Variants in MTHFD2L observed in about 807,000 individuals in gnomAD.
MTHFD2L encodes the protein methylenetetrahydrofolate dehydrogenase (NADP+ dependent) 2 like.
A neutral mutation model predicts 34.9 loss-of-function variants in MTHFD2L; 29 were observed. That is an observed-to-expected ratio of 0.83 (90% confidence interval 0.62 to 1.13). The LOEUF (loss-of-function observed/expected upper bound fraction) is 1.13, where lower values mean the gene tolerates loss of function less well. MTHFD2L is among the 50% of genes most tolerant of loss of function. MTHFD2L has a pLI of 0.00. For missense variants in MTHFD2L, 481 were observed against 446.5 expected, an observed-to-expected ratio of 1.08 and a Z score of -0.70; for synonymous variants, 167 against 155.7, an observed-to-expected ratio of 1.07 and a Z score of -0.54.
intron 2 of MTHFD2L, among the ~76,000 whole-genome samples, chr4:74,115,196 T>C (rs1269377578): frequency 6.6e-6 from 1 of 152,228 alleles, no homozygotes; most frequent in African/African-American, 2.4e-5. Flanking sequence ...ACTATTCTGT[T>C]ACTCTAATTA....
intron 3 of MTHFD2L, among the ~76,000 whole-genome samples, chr4:74,198,634 T>C (rs536373918): frequency 5.9e-5 from 9 of 152,118 alleles, no homozygotes; most frequent in Non-Finnish European, 1.3e-4. Context: ...TTTACCCTCA[T>C]GTAATAAGTT....
chr4:74,218,614 GCC>G (rs58972298), intron 5 of MTHFD2L, among the ~76,000 whole-genome samples: 2,550 of 145,778 alleles, frequency 0.017, 75 homozygotes, highest in African/African-American at 0.06. Flanking sequence ...GTAATTTCAA[GCC>G]CCCCCCCCAC....
In MTHFD2L at chr4:74,301,726, C is replaced by T. The variant is rs1349612642; in HGVS notation, c.961C>T (p.Pro321Ser). Reference sequence around the variant, plus strand: ...TAAAAAGAAAGCTGGCTTTATCACTCCAGTTCCAGGAGGTGTGGGACCCAT... The same window carrying T: ...TAAAAAGAAAGCTGGCTTTATCACTTCAGTTCCAGGAGGTGTGGGACCCAT... ...AVKKKAGFITPVPGGVGPMTV... is the reference protein window; with the variant it reads ...AVKKKAGFITSVPGGVGPMTV... Residue 321 changes from proline to serine, a missense_variant, in exon 8 of 8, where the codon CCA (proline) becomes TCA (serine). Coordinates refer to ENST00000325278, the MANE Select transcript of MTHFD2L (RefSeq NM_001144978.3). 15 of 1,601,520 alleles carry T rather than the reference C, an allele frequency of 9.4e-6. 1 individual carries two copies. The Admixed American group carries it at 2.2e-4, about 24-fold the overall frequency.
intron 7 of MTHFD2L, among the ~76,000 whole-genome samples, chr4:74,296,718 G>A (rs887400034): frequency 3.9e-5 from 6 of 151,946 alleles, no homozygotes; most frequent in Non-Finnish European, 1.5e-5. Context: ...TCAGTGGTGC[G>A]TATTGACAAT....
intron 1 of MTHFD2L, among the ~76,000 whole-genome samples, chr4:74,130,433 A>G (rs181058551): frequency 6.6e-6 from 1 of 152,324 alleles, no homozygotes; most frequent in African/African-American, 2.4e-5. Context: ...CTGGTTCAAG[A>G]TATGCAAAAA....
At chr4:74,152,494 C>A (rs1258346384) in intron 1 of MTHFD2L, among the ~76,000 whole-genome samples, 1 of 151,988 alleles carries the variant, frequency 6.6e-6, no homozygotes, top group African/African-American at 2.4e-5. Flanking sequence ...GGAAAATTTT[C>A]TTTGACAGAC....
At chr4:74,135,458 A>G (rs1722837166) in intron 1 of MTHFD2L, among the ~76,000 whole-genome samples, 1 of 152,110 alleles carries the variant, frequency 6.6e-6, no homozygotes, top group Non-Finnish European at 1.5e-5. Flanking sequence ...CCATCAACAA[A>G]TAGAAAACCT....
chr4:74,276,681 T>C (rs1415760507), intron 6 of MTHFD2L, among the ~76,000 whole-genome samples: 1 of 152,156 alleles, frequency 6.6e-6, no homozygotes, highest in Non-Finnish European at 1.5e-5. Context: ...CTAAGAACTT[T>C]CTTTCCAATA....
intron 1 of MTHFD2L, among the ~76,000 whole-genome samples, chr4:74,129,632 G>A (rs896647860): frequency 3.3e-5 from 5 of 152,068 alleles, no homozygotes; most frequent in Non-Finnish European, 7.4e-5. Context: ...GAGAAAGTGG[G>A]AAAGATCTAA....
At chr4:74,257,931 TGACTA>T (rs1354532149) in intron 6 of MTHFD2L, among the ~76,000 whole-genome samples, 5 of 152,062 alleles carry the variant, frequency 3.3e-5, no homozygotes, top group Admixed American at 1.3e-4. Context: ...GCAAAAGACT[TGACTA>T]GACATTTCTC....
intron 3 of MTHFD2L, among the ~76,000 whole-genome samples, chr4:74,175,973 A>G (rs1294724920): frequency 6.6e-6 from 1 of 152,036 alleles, no homozygotes; most frequent in Non-Finnish European, 1.5e-5. Context: ...GTCTTGGTGA[A>G]TTGAACTGTT....
intron 6 of MTHFD2L, among the ~76,000 whole-genome samples, chr4:74,269,490 G>A (rs990455379): frequency 6.6e-6 from 1 of 151,688 alleles, no homozygotes; most frequent in Admixed American, 6.6e-5. Flanking sequence ...GTTTACAGCA[G>A]GAAATGTTTC....
At chr4:74,163,389 T>C (rs1307528815) in intron 1 of MTHFD2L, among the ~76,000 whole-genome samples, 1 of 152,252 alleles carries the variant, frequency 6.6e-6, no homozygotes. Context: ...GCCAAGAGCT[T>C]TTGTGGCACA....
intron 7 of MTHFD2L, among the ~76,000 whole-genome samples, chr4:74,298,135 G>A (rs1455017323): frequency 1.3e-5 from 2 of 151,970 alleles, no homozygotes; most frequent in African/African-American, 4.8e-5. Flanking sequence ...CATATACAGG[G>A]TTTATCTTCA....
chr4:74,143,174 GT>G (rs755884493), intron 1 of MTHFD2L, among the ~76,000 whole-genome samples: 1 of 152,052 alleles, frequency 6.6e-6, no homozygotes, highest in Non-Finnish European at 1.5e-5. Context: ...TCAACAGGGG[GT>G]ATCACAGTAA....
At position 74,163,098 on chromosome 4, in the gene MTHFD2L, G is replaced by A. The variant is rs114280878; in HGVS notation, c.143+4817G>A. Among the ~76,000 whole-genome samples, 1,409 of 152,032 alleles carry A rather than the reference G, an allele frequency of 9.3e-3. 17 individuals are homozygous for A. Among genetic ancestry groups the A allele is most frequent in the African/African-American group, 0.032 (1,343 of 41,398 alleles). On this transcript the variant is annotated intron_variant, in intron 1 of 7. Transcript: ENST00000325278. Reference sequence around the variant, plus strand: ...GCATTTTTTTTTTTCCATTGTTAGTGTTGGCAACAAATACATAATATCATC... The same window carrying A: ...GCATTTTTTTTTTTCCATTGTTAGTATTGGCAACAAATACATAATATCATC...
chr4:74,286,450 G>C (rs1357817751), intron 7 of MTHFD2L, among the ~76,000 whole-genome samples: 1 of 152,048 alleles, frequency 6.6e-6, no homozygotes, highest in Non-Finnish European at 1.5e-5. Context: ...GACAAAGAAG[G>C]CTTTATTCTC....
intron 3 of MTHFD2L, among the ~76,000 whole-genome samples, chr4:74,184,424 A>G (rs1295858525): frequency 6.6e-6 from 1 of 152,212 alleles, no homozygotes; most frequent in Non-Finnish European, 1.5e-5. Context: ...ACTTGGGATA[A>G]AGAGGTCATT....
chr4:74,191,331 C>G (rs1732453097), intron 3 of MTHFD2L, among the ~76,000 whole-genome samples: 1 of 150,072 alleles, frequency 6.7e-6, no homozygotes, highest in African/African-American at 2.5e-5. Context: ...AGGATGTGGA[C>G]TTTGATCTAT....
Sources: allele counts gnomAD v4.1 joint callset (sites outside exome capture counted in the v4.1 genomes callset), GRCh38; gene constraint gnomAD v4.1.1; transcripts MANE v1.5; gene names NCBI Gene and HGNC (gene_info 2026-07-23, HGNC 2026-07-21).